Variants in ZRANB3 observed in about 807,000 individuals in gnomAD.
The protein encoded by ZRANB3 is DNA annealing helicase and endonuclease ZRANB3.
Under a neutral mutation model 133.8 loss-of-function variants are expected in ZRANB3, and 125 were observed. The ratio of observed to expected loss-of-function variants is 0.93; its 90% confidence interval spans 0.81 to 1.08. ZRANB3 has a LOEUF of 1.08. Ranked by LOEUF, ZRANB3 falls within the 50% of genes least tolerant of loss-of-function variation. The pLI is 0.00. For synonymous variants in ZRANB3, 387 were observed against 432.7 expected (o/e 0.89, Z 1.31); for missense variants, 1,229 against 1,275.5 (o/e 0.96, Z 0.56).
chr2:135,346,292 G>A (rs1172313472), intron 5 of ZRANB3, among the ~76,000 whole-genome samples: 2 of 152,016 alleles, frequency 1.3e-5, no homozygotes, highest in Non-Finnish European at 2.9e-5. Context: ...AGTAGAGACG[G>A]GGTTTCACCT....
intron 1 of ZRANB3, among the ~76,000 whole-genome samples, chr2:135,525,712 G>T (rs1694126554): frequency 6.6e-6 from 1 of 152,040 alleles, no homozygotes; most frequent in African/African-American, 2.4e-5. Context: ...GCCGGTCATG[G>T]TGGTGCGTGC....
intron 2 of ZRANB3, among the ~76,000 whole-genome samples, chr2:135,421,874 ATTTC>A (rs970176637): frequency 9.9e-6 from 1 of 101,128 alleles, no homozygotes; most frequent in Non-Finnish European, 2.1e-5. Flanking sequence ...GAATACTTTT[ATTTC>A]TTTTTTTTTT....
intron 3 of ZRANB3, among the ~76,000 whole-genome samples, chr2:135,389,284 G>A (rs1254478661): frequency 6.6e-6 from 1 of 152,070 alleles, no homozygotes; most frequent in South Asian, 2.1e-4. Flanking sequence ...AATGAAAGAA[G>A]AGTTCAAACT....
At chr2:135,306,721 T>C (rs1316336049) in intron 8 of ZRANB3, among the ~76,000 whole-genome samples, 2 of 151,956 alleles carry the variant, frequency 1.3e-5, no homozygotes, top group African/African-American at 4.8e-5. Flanking sequence ...CCCGAATAGC[T>C]GGGATTATAA....
intron 3 of ZRANB3, among the ~76,000 whole-genome samples, chr2:135,379,328 T>G (rs1686580746): frequency 6.6e-6 from 1 of 152,214 alleles, no homozygotes. Flanking sequence ...TCATTCTAAC[T>G]TCACTGTCTT....
chr2:135,528,697 C>A (rs1474883920), intron 1 of ZRANB3, among the ~76,000 whole-genome samples: 3 of 151,890 alleles, frequency 2.0e-5, no homozygotes, highest in Non-Finnish European at 4.4e-5. Context: ...TAAATTATCA[C>A]TGAATATCCT....
intron 2 of ZRANB3, among the ~76,000 whole-genome samples, chr2:135,409,474 T>C (rs1423313586): frequency 1.3e-5 from 2 of 151,866 alleles, no homozygotes; most frequent in African/African-American, 4.8e-5. Flanking sequence ...AAATTAGGCA[T>C]CAGGGATATA....
At position 135,271,884 on chromosome 2, in the gene ZRANB3, G is replaced by C. The variant is rs771804305; in HGVS notation, c.1090C>G (p.Arg364Gly). Residue 364 changes from arginine to glycine, a missense_variant, in exon 10 of 21, where the codon CGT becomes GGT. Physicochemically the swap from Arg to Gly is moderately radical, Grantham distance 125 (BLOSUM62 -2). Transcript: ENST00000264159. ...CTEAVIENKT[R>G]YIRIDGSVSS... ...ACACTTCCATCTATCCTAATGTAAC[G>C]AGTCTAGCATCAACAAGGAAAACGG... 1.2e-6 allele frequency: 2 copies of C among 1,611,886 alleles called. No individual in the cohort carries two copies. The highest frequency in any genetic ancestry group is 8.5e-7 in the Non-Finnish European group (1 of 1,179,270).
chr2:135,494,879 A>G (rs1379230866), intron 2 of ZRANB3, among the ~76,000 whole-genome samples: 1 of 152,244 alleles, frequency 6.6e-6, no homozygotes, highest in East Asian at 1.9e-4. Context: ...ATATTGAACA[A>G]AAAACATGCT....
intron 13 of ZRANB3, 84 bp from the exon 14 acceptor site, chr2:135,228,099 A>C: frequency 8.7e-7 from 1 of 1,151,232 alleles, no homozygotes. Context: ...AGGTCTTATA[A>C]AAAGAAAGTG....
In ZRANB3 at chr2:135,293,141, A is replaced by G. The variant is rs374849428; in HGVS notation, c.967-17386T>C. Among the ~76,000 whole-genome samples, 487 of 148,810 alleles carry G rather than the reference A, an allele frequency of 3.3e-3. 2 individuals carry two copies. Among genetic ancestry groups the G allele is most frequent in the African/African-American group, 0.01 (414 of 39,470 alleles). ...TTCCAATTCTGTGAAGAAAGTCATT[A>G]GTAGCTTGATGGGGATGGCATTGAA... On this transcript the variant is annotated intron_variant, in intron 8 of 20. Transcript: ENST00000264159.
At chr2:135,392,342 C>CA (rs1480108307) in intron 2 of ZRANB3, among the ~76,000 whole-genome samples, 4,006 of 45,430 alleles carry the variant, frequency 0.088, 420 homozygotes, top group African/African-American at 0.33. Flanking sequence ...AATGAAAATA[C>CA]AAAAAAAAAA....
chr2:135,228,287 G>T, intron 13 of ZRANB3: 2 of 209,440 alleles, frequency 9.5e-6, no homozygotes, highest in Non-Finnish European at 9.3e-6. Flanking sequence ...TATATTTTCA[G>T]ATAAAGAGAA....
In ZRANB3 at chr2:135,390,834, A is replaced by ATTT. The variant is rs1211923650; in HGVS notation, c.162-15_162-14insAAA. On this transcript the variant is annotated splice_polypyrimidine_tract_variant and intron_variant, in intron 2 of 20. Coordinates refer to ENST00000264159, the MANE Select transcript of ZRANB3 (RefSeq NM_032143.4). ...GCCACCATACACCTGGAAAAAAAAA[A>ATTT]AAAAAAAAATTAATTATCAGAGTGA... 4.6e-6 allele frequency: 7 copies of ATTT among 1,519,744 alleles called. No homozygotes were observed. Among genetic ancestry groups the ATTT allele is most frequent in the Admixed American group, 5.0e-5 (2 of 40,030 alleles). The allele number at this position is 1,519,744 out of a possible 1,614,324, so 94.1% of individuals were successfully genotyped here. A position where few individuals can be genotyped will look rare whatever the true frequency, so the allele number is the denominator to read the frequency against.
At chr2:135,220,591 C>G (rs533138729) in intron 15 of ZRANB3, among the ~76,000 whole-genome samples, 2 of 148,710 alleles carry the variant, frequency 1.3e-5, no homozygotes, top group Admixed American at 1.4e-4. Context: ...CCAGCTACTC[C>G]GGAGGCTGAG....
intron 1 of ZRANB3, among the ~76,000 whole-genome samples, chr2:135,515,924 T>C (rs1693677155): frequency 6.6e-6 from 1 of 152,218 alleles, no homozygotes; most frequent in Non-Finnish European, 1.5e-5. Context: ...AGTCTCTTTG[T>C]AGGTCTCTAA....
intron 2 of ZRANB3, among the ~76,000 whole-genome samples, chr2:135,470,270 G>A (rs1451897569): frequency 6.6e-6 from 1 of 151,702 alleles, no homozygotes; most frequent in Non-Finnish European, 1.5e-5. Context: ...GCTGCAGTGA[G>A]CCGAGATTGA....
chr2:135,401,534 T>G (rs1197284158), intron 2 of ZRANB3, among the ~76,000 whole-genome samples: 1 of 152,200 alleles, frequency 6.6e-6, no homozygotes, highest in Admixed American at 6.5e-5. Flanking sequence ...CAATCTCTTT[T>G]TCAACTAGCT....
intron 2 of ZRANB3, among the ~76,000 whole-genome samples, chr2:135,448,285 G>A (rs994818335): frequency 6.6e-6 from 1 of 152,132 alleles, no homozygotes; most frequent in African/African-American, 2.4e-5. Context: ...CAATTTTAAT[G>A]AAAACCACTC....
Sources: gnomAD v4.1 joint callset for allele counts (sites outside exome capture counted in the v4.1 genomes callset) on GRCh38, gnomAD v4.1.1 for gene constraint, MANE v1.5 for transcripts, NCBI Gene and HGNC (gene_info 2026-07-23, HGNC 2026-07-21) for gene names.